Variants in MAP3K10 observed in about 807,000 individuals in gnomAD.
MAP3K10 encodes mitogen-activated protein kinase kinase kinase 10.
MAP3K10 carries 22 observed loss-of-function variants against 75.0 expected under a neutral mutation model. That is an observed-to-expected ratio of 0.29 (90% CI 0.21 to 0.42). MAP3K10 has a LOEUF of 0.42. Ranked by LOEUF, MAP3K10 falls within the 10% of genes least tolerant of loss-of-function variation. The pLI, the probability that MAP3K10 is intolerant of heterozygous loss-of-function variation, is 1.00. For synonymous variants in MAP3K10, 599 were observed against 612.9 expected, an observed-to-expected ratio of 0.98 and a Z score of 0.34; for missense variants, 1,165 against 1,379.8, an observed-to-expected ratio of 0.84 and a Z score of 2.47.
intron 6 of MAP3K10, 59 bp downstream of exon 6, chr19:40,209,278 A>G (rs1351050710): frequency 7.1e-7 from 1 of 1,405,990 alleles, no homozygotes; most frequent in Non-Finnish European, 1.0e-6. Flanking sequence ...ATTTTTTAGC[A>G]CGATGTTTAT....
In MAP3K10 at chr19:40,204,233, AC is replaced by A. The variant is rs1973074518; in HGVS notation, c.864-251del. ...AGAAAGATGGATTTGGCCAGTAGGAACACGGGACCTGAAGATTTTCAGGCAG... is the reference window on the plus strand; with the variant it reads ...AGAAAGATGGATTTGGCCAGTAGGAAACGGGACCTGAAGATTTTCAGGCAG... On this transcript the variant is annotated intron_variant, in intron 2 of 9. Coordinates refer to ENST00000253055, the MANE Select transcript of MAP3K10 (RefSeq NM_002446.4). The surrounding 1 kb of genome is among the most constrained non-coding windows in gnomAD (Gnocchi z 4.3). 6.6e-6 allele frequency among the ~76,000 whole-genome samples: 1 copy of A among 152,212 alleles called. No individual in the cohort carries two copies. The highest frequency in any genetic ancestry group is 1.5e-5 in the Non-Finnish European group (1 of 68,042).
In MAP3K10 at chr19:40,204,105, C is replaced by A. The variant is rs181135431; in HGVS notation, c.864-380C>A. Among the ~76,000 whole-genome samples the A allele has an allele frequency of 1.1e-4, 16 of 152,268 alleles. No individual in the cohort carries two copies. In the East Asian group the frequency reaches 2.9e-3, roughly 28 times the overall value. The stretch of plus-strand genomic sequence containing the variant: ...GATGCAGTGGCTCATGCCTGTAATC[C>A]CAGCACTTTGGGAAGCCCAGGCAGG... On this transcript the variant is annotated intron_variant, in intron 2 of 9. Coordinates refer to ENST00000253055, the MANE Select transcript of MAP3K10 (RefSeq NM_002446.4). This position sits in a 1 kb window ranked among gnomAD's most constrained non-coding sequence, Gnocchi z 4.3.
chr19:40,207,771 A>G (rs1277656647), intron 5 of MAP3K10, among the ~76,000 whole-genome samples: 2 of 152,180 alleles, frequency 1.3e-5, no homozygotes, highest in African/African-American at 2.4e-5. Flanking sequence ...AGCCCAATAT[A>G]TCCATGCAAT....
chr19:40,206,012 G>A lies in MAP3K10; in HGVS notation c.1290G>A (p.Glu430=). The change falls in exon 5 of 10, where the codon GAG becomes GAA. Residue 430 remains glutamate, a synonymous_variant. Coordinates refer to ENST00000253055, the MANE Select transcript of MAP3K10 (RefSeq NM_002446.4). ...GGGAGCAGGAGCTGGCAGAACGTGAGATGGACATCGTGGAACGGGAGCTGC... is the reference window on the plus strand; with the variant it reads ...GGGAGCAGGAGCTGGCAGAACGTGAAATGGACATCGTGGAACGGGAGCTGC... ...RRREQELAER[E]MDIVERELHL... 6.2e-7 allele frequency: 1 copy of A among 1,613,170 alleles called. No homozygotes were observed. The highest frequency in any genetic ancestry group is 1.3e-5 in the African/African-American group (1 of 75,046).
At chr19:40,210,633 G>A (rs1256539799) in intron 6 of MAP3K10, among the ~76,000 whole-genome samples, 1 of 151,974 alleles carries the variant, frequency 6.6e-6, no homozygotes, top group African/African-American at 2.4e-5. Context: ...CCTGAGAGGC[G>A]GAGGTTGCAG....
In MAP3K10 at chr19:40,214,002, T is replaced by TGCCCCCCCCCCCCCCCCCCCCCCC; in HGVS notation, c.2323_2324insGCCCCCCCCCCCCCCCCCCCCCCC (p.Ser775delinsCysProProProProProProProPro). ...TGACGAGGCCGCACCGGCCGCGCCC[T>TGCCCCCCCCCCCCCCCCCCCCCCC]CCCCACCACCCTCCCCGCCCGCGCC... On this transcript the variant is annotated protein_altering_variant, in exon 9 of 10. Coordinates refer to ENST00000253055, the MANE Select transcript of MAP3K10 (RefSeq NM_002446.4). The TGCCCCCCCCCCCCCCCCCCCCCCC allele has an allele frequency of 1.3e-5, 20 of 1,493,652 alleles. No homozygotes were observed. The highest frequency in any genetic ancestry group is 1.4e-5 in the Non-Finnish European group (16 of 1,123,840). 92.5% of individuals were successfully genotyped at this position (1,493,652 alleles called of 1,614,324 possible).
At chr19:40,207,370 C>A (rs1424896981) in intron 5 of MAP3K10, among the ~76,000 whole-genome samples, 1 of 152,032 alleles carries the variant, frequency 6.6e-6, no homozygotes, top group Non-Finnish European at 1.5e-5. Context: ...TAATACAAGC[C>A]ACGTGTATAA....
At position 40,204,902 on chromosome 19, in the gene MAP3K10, AG is replaced by A; in HGVS notation, c.1013-218del. Reference sequence around the variant, plus strand: ...CCACCTTGATCCTGATTCCACTACCAGCCCCTCCTCGGGGTGCAGGTCCCAG... The same window carrying A: ...CCACCTTGATCCTGATTCCACTACCACCCCTCCTCGGGGTGCAGGTCCCAG... On this transcript the variant is annotated intron_variant, in intron 3 of 9. Transcript: ENST00000253055. The surrounding 1 kb of genome is among the most constrained non-coding windows in gnomAD (Gnocchi z 4.3). The A allele has an allele frequency of 3.2e-6, 2 of 615,816 alleles. No individual in the cohort carries two copies. The highest frequency in any genetic ancestry group is 4.2e-5 in the South Asian group (2 of 47,928). The allele number at this position is 615,816 out of a possible 1,614,324, so 38.1% of individuals were successfully genotyped here.
intron 6 of MAP3K10, among the ~76,000 whole-genome samples, chr19:40,210,029 A>AAG (rs931766922): frequency 2.6e-5 from 4 of 152,016 alleles, no homozygotes; most frequent in African/African-American, 9.7e-5. Flanking sequence ...GCACTTTGGG[A>AAG]GGCCGAGGCA....
chr19:40,204,947 T>G lies in MAP3K10; in HGVS notation c.1013-174T>G. ...GTCCCAGGGTTTCTCTCCCAGCGTT[T>G]CACTGAGTGGAATTGGCCAGGAGCT... On this transcript the variant is annotated intron_variant, in intron 3 of 9. Transcript: ENST00000253055. The surrounding 1 kb of genome is among the most constrained non-coding windows in gnomAD (Gnocchi z 4.3). 1.5e-6 allele frequency: 1 copy of G among 684,544 alleles called. No individual in the cohort carries two copies. The highest frequency in any genetic ancestry group is 1.8e-5 in the South Asian group (1 of 54,388). 42.4% of individuals were successfully genotyped at this position (684,544 alleles called of 1,614,324 possible).
Position 40,198,344 on chromosome 19 carries a change from G to T in MAP3K10, c.683-31G>T. 6.3e-7 allele frequency: 1 copy of T among 1,592,748 alleles called. No homozygotes were observed. ...CTTGGGTCTGCGGCGTGGCAGGTCT[G>T]GGGTGACCCACCTTTCTTCCCACCC... On this transcript the variant is annotated intron_variant, in intron 1 of 9. Transcript: ENST00000253055. This position sits in a 1 kb window ranked among gnomAD's most constrained non-coding sequence, Gnocchi z 4.3.
rs1972946914 is a variant in MAP3K10 at position 40,198,209 on chromosome 19, C to T, written c.683-166C>T. On this transcript the variant is annotated intron_variant, in intron 1 of 9. Transcript: ENST00000253055. This position sits in a 1 kb window ranked among gnomAD's most constrained non-coding sequence, Gnocchi z 4.3. ...GCCTGGGACAGGGATTAGACCTGGG[C>T]GGAGGGGCTCATGGATGTTCCAGGC... 6.6e-6 allele frequency among the ~76,000 whole-genome samples: 1 copy of T among 152,082 alleles called. No individual in the cohort carries two copies.
chr19:40,196,666 C>T (rs927929369), intron 1 of MAP3K10, among the ~76,000 whole-genome samples: 2 of 152,072 alleles, frequency 1.3e-5, no homozygotes, highest in Non-Finnish European at 2.9e-5. Context: ...CTCCAGGCAC[C>T]CGCCACCACA....
At chr19:40,193,218 G>T (rs1439782920) in intron 1 of MAP3K10, among the ~76,000 whole-genome samples, 1 of 152,134 alleles carries the variant, frequency 6.6e-6, no homozygotes, top group Non-Finnish European at 1.5e-5. Flanking sequence ...AGCATTCCCT[G>T]CCCCCTCTCC....
intron 1 of MAP3K10, among the ~76,000 whole-genome samples, chr19:40,193,565 A>G (rs891607235): frequency 9.9e-5 from 15 of 152,218 alleles, no homozygotes; most frequent in Admixed American, 2.6e-4. Context: ...GGAGTAAGAC[A>G]GCCATGGTTT....
rs576748751 is a variant in MAP3K10, at chr19:40,202,656, A to T, written c.864-1829A>T. ...ATAAATTTATTTTTCATTTAAAAAA[A>T]TTTTTAAAAGACAGGCTCTCACTCT... On this transcript the variant is annotated intron_variant, in intron 2 of 9. Transcript: ENST00000253055. Among the ~76,000 whole-genome samples the T allele has an allele frequency of 3.3e-5, 5 of 152,292 alleles. No homozygotes were observed. In the South Asian group the frequency reaches 8.3e-4, roughly 25 times the overall value.
At chr19:40,203,536 C>T (rs1973063768) in intron 2 of MAP3K10, among the ~76,000 whole-genome samples, 1 of 152,170 alleles carries the variant, frequency 6.6e-6, no homozygotes, top group African/African-American at 2.4e-5. Flanking sequence ...CTGTCGTGGG[C>T]AGCAGGCAGA....
At chr19:40,201,007 C>T (rs1223389630) in intron 2 of MAP3K10, among the ~76,000 whole-genome samples, 3 of 152,022 alleles carry the variant, frequency 2.0e-5, no homozygotes, top group Non-Finnish European at 4.4e-5. Context: ...CATTCTCAGT[C>T]ATTATTACAA....
rs934453377 is a variant in MAP3K10 at position 40,212,234 on chromosome 19, G to A, written c.1553-571G>A. On this transcript the variant is annotated intron_variant, in intron 6 of 9. Coordinates refer to ENST00000253055, the MANE Select transcript of MAP3K10 (RefSeq NM_002446.4). The surrounding 1 kb of genome is among the most constrained non-coding windows in gnomAD (Gnocchi z 4.2). The stretch of plus-strand genomic sequence containing the variant: ...GCTATATGGCAGAGACACGGTCATC[G>A]GAGTTTCCTGGTGGGTTGAAGGGTG... Among the ~76,000 whole-genome samples, 3 of 152,162 alleles carry A rather than the reference G, an allele frequency of 2.0e-5. No homozygotes were observed. Among genetic ancestry groups the A allele is most frequent in the South Asian group, 2.1e-4 (1 of 4,820 alleles).
Sources: gnomAD v4.1 joint callset for allele counts (sites outside exome capture counted in the v4.1 genomes callset) on GRCh38, gnomAD v4.1.1 for gene constraint, Gnocchi (gnomAD v3.1) non-coding constraint, MANE v1.5 for transcripts, NCBI Gene and HGNC (gene_info 2026-07-23, HGNC 2026-07-21) for gene names.